The following SRGAP2 variants were observed in gnomAD, a reference collection of about 807,000 sequenced individuals.
The protein encoded by SRGAP2 is SLIT-ROBO Rho GTPase activating protein 2.
Under a neutral mutation model 57.2 loss-of-function variants are expected in SRGAP2, and 15 were observed. The ratio of observed to expected loss-of-function variants is 0.26; its 90% confidence interval spans 0.18 to 0.40. The LOEUF is 0.40. Among genes scored for constraint, SRGAP2 ranks in the 10% least tolerant of loss-of-function variants. The probability of loss-of-function intolerance (pLI) is 1.00; values close to 1 mark genes in which losing one functional copy is unlikely to be tolerated. For synonymous variants in SRGAP2, 249 were observed against 248.0 expected (o/e 1.00, Z -0.04); for missense variants, 520 against 669.6 (o/e 0.78, Z 2.47).
intron 4 of SRGAP2, among the ~76,000 whole-genome samples, chr1:206,346,761 TC>T (rs1241033496): frequency 6.6e-6 from 1 of 152,232 alleles, no homozygotes; most frequent in Non-Finnish European, 1.5e-5. Context: ...CTTTTTTTAA[TC>T]TATAAAACTT....
At chr1:206,394,237 G>T (rs1480571342) in intron 7 of SRGAP2, among the ~76,000 whole-genome samples, 29 of 147,554 alleles carry the variant, frequency 2.0e-4, no homozygotes, top group African/African-American at 6.8e-4. Flanking sequence ...AGTAGAGATG[G>T]GGTTTCACCA....
At chr1:206,370,905 G>A (rs1189415231) in intron 4 of SRGAP2, among the ~76,000 whole-genome samples, 1 of 151,716 alleles carries the variant, frequency 6.6e-6, no homozygotes, top group Non-Finnish European at 1.5e-5. Context: ...CTGAAGCTCA[G>A]AGAGATAAAC....
At chr1:206,341,923 G>A (rs1352643444) in intron 3 of SRGAP2, among the ~76,000 whole-genome samples, 4 of 152,232 alleles carry the variant, frequency 2.6e-5, no homozygotes, top group South Asian at 2.1e-4. Context: ...TCTTGAACGC[G>A]GGAGGCGGAG....
intron 13 of SRGAP2, among the ~76,000 whole-genome samples, chr1:206,428,079 G>A (rs1660959251): frequency 6.6e-6 from 1 of 151,412 alleles, no homozygotes; most frequent in Non-Finnish European, 1.5e-5. Flanking sequence ...TCCAGCCTAG[G>A]CTACAGAGGG....
intron 5 of SRGAP2, among the ~76,000 whole-genome samples, chr1:206,389,706 C>CT (rs560092260): frequency 7.9e-5 from 12 of 151,216 alleles, no homozygotes; most frequent in Admixed American, 3.3e-4. Context: ...ATTTTAGAAC[C>CT]TTTTTTTTCC....
At chr1:206,451,409 A>G (rs1394239849) in intron 19 of SRGAP2, among the ~76,000 whole-genome samples, 1 of 152,050 alleles carries the variant, frequency 6.6e-6, no homozygotes. Context: ...CCCGCTTCCA[A>G]CAGCTCCACA....
chr1:206,415,337 A>G (rs1316031671), intron 10 of SRGAP2, among the ~76,000 whole-genome samples: 1 of 152,240 alleles, frequency 6.6e-6, no homozygotes, highest in Non-Finnish European at 1.5e-5. Context: ...CTGAGTGCTC[A>G]GAAATCCGAA....
At chr1:206,443,835 G>A (rs888951254) in intron 17 of SRGAP2, among the ~76,000 whole-genome samples, 7 of 152,158 alleles carry the variant, frequency 4.6e-5, no homozygotes, top group Non-Finnish European at 7.3e-5. Context: ...TTTTTCTGGG[G>A]AGAGAATCCC....
chr1:206,296,492 C>A (rs1156484754), intron 2 of SRGAP2, among the ~76,000 whole-genome samples: 2 of 151,458 alleles, frequency 1.3e-5, no homozygotes, highest in African/African-American at 4.9e-5. Flanking sequence ...TATAGTGGCA[C>A]AATCACGGCT....
At chr1:206,245,153 A>G (rs1553309960) in intron 2 of SRGAP2, among the ~76,000 whole-genome samples, 4 of 135,208 alleles carry the variant, frequency 3.0e-5, no homozygotes, top group Non-Finnish European at 1.6e-5. Flanking sequence ...AGTGGTAACC[A>G]TGTCAGAGCC....
rs1294208031 is a variant in SRGAP2, at chr1:206,304,665, C to T, written c.260+1192C>T. 5.4e-5 allele frequency among the ~76,000 whole-genome samples: 8 copies of T among 149,318 alleles called. No homozygotes were observed. In the South Asian group the frequency reaches 1.5e-3, roughly 28 times the overall value. On this transcript the variant is annotated intron_variant, in intron 3 of 22. Coordinates refer to ENST00000573034, the MANE Select transcript of SRGAP2 (RefSeq NM_015326.5). ...TCCAATCTGCCTGCTCCATTGTGAT[C>T]GGAGTTAATCTTCCTGGAACACACT...
intron 4 of SRGAP2, among the ~76,000 whole-genome samples, chr1:206,344,193 CTT>C (rs1675443045): frequency 6.8e-6 from 1 of 146,156 alleles, no homozygotes; most frequent in Admixed American, 6.9e-5. Context: ...GATTTGGAAT[CTT>C]CCATCTACCT....
chr1:206,319,288 G>T (rs1464929010), intron 3 of SRGAP2, among the ~76,000 whole-genome samples: 1 of 147,556 alleles, frequency 6.8e-6, no homozygotes, highest in Admixed American at 6.6e-5. Flanking sequence ...GCGGGTGCCT[G>T]TCGTCCCACC....
At chr1:206,373,024 TC>T (rs1654836208) in intron 4 of SRGAP2, among the ~76,000 whole-genome samples, 1 of 128,420 alleles carries the variant, frequency 7.8e-6, no homozygotes, top group Non-Finnish European at 1.6e-5. Context: ...TTTCTTTCTT[TC>T]TTTTCTTTCT....
chr1:206,412,791 C>T (rs992467986), intron 10 of SRGAP2, among the ~76,000 whole-genome samples: 21 of 152,156 alleles, frequency 1.4e-4, no homozygotes, highest in Admixed American at 7.2e-4. Context: ...TTATCCCCAA[C>T]GAGTCTCTCA....
At chr1:206,355,607 T>C (rs1236504462) in intron 4 of SRGAP2, among the ~76,000 whole-genome samples, 1 of 152,232 alleles carries the variant, frequency 6.6e-6, no homozygotes, top group Non-Finnish European at 1.5e-5. Flanking sequence ...ATAATTTTAG[T>C]ATCAGTTGAT....
chr1:206,435,351 G>A (rs1377195859), intron 14 of SRGAP2, among the ~76,000 whole-genome samples: 3 of 152,194 alleles, frequency 2.0e-5, no homozygotes, highest in African/African-American at 7.2e-5. Context: ...GATTTCTCCA[G>A]CATGTCAAGG....
chr1:206,286,315 TG>T (rs1671021302), intron 2 of SRGAP2, among the ~76,000 whole-genome samples: 1 of 152,188 alleles, frequency 6.6e-6, no homozygotes, highest in African/African-American at 2.4e-5. Context: ...TGATTTTTGA[TG>T]GGTTTCCTTT....
chr1:206,309,868 C>G (rs1480681515), intron 3 of SRGAP2, among the ~76,000 whole-genome samples: 5 of 151,040 alleles, frequency 3.3e-5, no homozygotes, highest in Non-Finnish European at 2.9e-5. Flanking sequence ...AGAACTAAAT[C>G]CAGGACCCCA....
Sources: gnomAD v4.1 joint callset for allele counts (sites outside exome capture counted in the v4.1 genomes callset) on GRCh38, gnomAD v4.1.1 for gene constraint, MANE v1.5 for transcripts, NCBI Gene and HGNC (gene_info 2026-07-23, HGNC 2026-07-21) for gene names.